The following SETD5 variants were observed in gnomAD, a reference collection of about 807,000 sequenced individuals.
SETD5 encodes SET domain containing 5.
Under a neutral mutation model 153.3 loss-of-function variants are expected in SETD5, and 44 were observed. The ratio of observed to expected loss-of-function variants is 0.29; its 90% confidence interval spans 0.23 to 0.37. The LOEUF (loss-of-function observed/expected upper bound fraction) is 0.37. Among genes scored for constraint, SETD5 ranks in the 10% least tolerant of loss-of-function variants. The pLI, the probability that SETD5 is intolerant of heterozygous loss-of-function variation, is 1.00. For synonymous variants in SETD5, 716 were observed against 645.2 expected, an observed-to-expected ratio of 1.11 and a Z score of -1.66; for missense variants, 1,544 against 1,768.0, an observed-to-expected ratio of 0.87 and a Z score of 2.27.
At chr3:9,409,881 A>G (rs1438273227) in intron 1 of SETD5, among the ~76,000 whole-genome samples, 1 of 152,200 alleles carries the variant, frequency 6.6e-6, no homozygotes, top group Non-Finnish European at 1.5e-5. Flanking sequence ...ACTAACACCA[A>G]TGTAATTTCT....
intron 16 of SETD5, among the ~76,000 whole-genome samples, chr3:9,453,417 A>C (rs866631345): frequency 5.3e-5 from 8 of 152,268 alleles, no homozygotes. Context: ...TCCTAAATAA[A>C]TGTTAAGATT....
At chr3:9,398,613 C>T (rs1003061757) in intron 1 of SETD5, 2 of 152,358 alleles carry the variant, frequency 1.3e-5, no homozygotes, top group African/African-American at 2.4e-5. Context: ...GGGTTCGAGC[C>T]TGGAGTTGAG....
intron 17 of SETD5, among the ~76,000 whole-genome samples, chr3:9,454,965 A>G (rs961889574): frequency 3.9e-5 from 6 of 152,090 alleles, no homozygotes; most frequent in Non-Finnish European, 7.4e-5. Context: ...AATATTTCAC[A>G]TTTTCATAAA....
Position 9,413,827 on chromosome 3 carries a change from G to A in SETD5, c.-176-10640G>A, listed in dbSNP as rs576017042. On this transcript the variant is annotated intron_variant, in intron 1 of 22. Coordinates refer to ENST00000402198, the MANE Select transcript of SETD5 (RefSeq NM_001080517.3). ...GAGTCTGGCTCTGTCACCCAGGCTGGAGTGCAATGGTGTGATCTCTTCTCA... is the reference window on the plus strand; with the variant it reads ...GAGTCTGGCTCTGTCACCCAGGCTGAAGTGCAATGGTGTGATCTCTTCTCA... Among the ~76,000 whole-genome samples the A allele has an allele frequency of 2.4e-4, 36 of 152,156 alleles. No homozygotes were observed. The South Asian group carries it at 6.2e-3, about 26-fold the overall frequency.
At position 9,436,837 on chromosome 3, in the gene SETD5, C is replaced by T. The variant is rs181644555; in HGVS notation, c.567+931C>T. 92 of 1,549,606 alleles carry T rather than the reference C, an allele frequency of 5.9e-5. No homozygotes were observed. In the East Asian group the frequency reaches 2.2e-3, roughly 37 times the overall value. ...AGTTTTGTTTGTTCTACTTGTTTTC[C>T]TCCTTGGGATAGGCATTTCGAGAGG... On this transcript the variant is annotated intron_variant, in intron 7 of 22. Coordinates refer to ENST00000402198, the MANE Select transcript of SETD5 (RefSeq NM_001080517.3).
intron 17 of SETD5, among the ~76,000 whole-genome samples, chr3:9,457,755 T>TC (rs2043437565): frequency 1.3e-5 from 2 of 149,372 alleles, no homozygotes; most frequent in South Asian, 2.1e-4. Context: ...TTTTTTTTTT[T>TC]CATGAATCAT....
At chr3:9,441,553 T>C in intron 8 of SETD5, 40 bp from the exon 9 acceptor site, 1 of 1,603,344 alleles carries the variant, frequency 6.2e-7, no homozygotes, top group South Asian at 1.1e-5. Flanking sequence ...ACTAAGGTGT[T>C]CTTGCTGTTG....
At chr3:9,440,410 A>G (rs749843205) in intron 7 of SETD5, 46 bp from the exon 8 acceptor site, 15 of 1,045,670 alleles carry the variant, frequency 1.4e-5, no homozygotes, top group South Asian at 1.0e-4. Flanking sequence ...CCAACCCTCT[A>G]TTTATGCATG....
intron 1 of SETD5, among the ~76,000 whole-genome samples, chr3:9,401,205 A>G (rs953841660): frequency 2.0e-5 from 3 of 152,268 alleles, no homozygotes; most frequent in African/African-American, 7.2e-5. Flanking sequence ...AGGAGGTTCC[A>G]ATTCTTATTA....
chr3:9,418,739 G>T lies in SETD5; in HGVS notation c.-176-5728G>T, dbSNP rs2037926670. Among the ~76,000 whole-genome samples the T allele has an allele frequency of 1.3e-5, 2 of 151,464 alleles. 1 individual carries two copies. ...AATTGCTTGAACCCGGGAGGTGGAG[G>T]TTGCAGTGAGCTGAGATCCTGCCAT... On this transcript the variant is annotated intron_variant, in intron 1 of 22. Coordinates refer to ENST00000402198, the MANE Select transcript of SETD5 (RefSeq NM_001080517.3).
intron 13 of SETD5, 30 bp downstream of exon 13, chr3:9,445,770 T>G (rs2041864440): frequency 1.3e-6 from 2 of 1,511,458 alleles, no homozygotes; most frequent in African/African-American, 1.4e-5. Context: ...ACTTTGCTCC[T>G]TCTCATTCCT....
chr3:9,406,285 G>C lies in SETD5; in HGVS notation c.-177+8308G>C, dbSNP rs146446372. ...AACCTAAAACAGAACAAAGAGAAGG[G>C]CCTTTGAAGCAGTATGATTGATTAT... is the stretch of plus-strand genomic sequence containing the variant. On this transcript the variant is annotated intron_variant, in intron 1 of 22. Coordinates refer to ENST00000402198, the MANE Select transcript of SETD5 (RefSeq NM_001080517.3). 1.4e-3 allele frequency among the ~76,000 whole-genome samples: 206 copies of C among 152,250 alleles called. 5 individuals carry two copies. In the East Asian group the frequency reaches 0.025, roughly 18 times the overall value.
intron 1 of SETD5, among the ~76,000 whole-genome samples, chr3:9,418,360 G>C (rs192269726): frequency 1.8e-4 from 28 of 152,288 alleles, no homozygotes; most frequent in African/African-American, 5.5e-4. Flanking sequence ...GAAATTTAGA[G>C]CTTAGTGCGG....
intron 3 of SETD5, chr3:9,430,386 G>T: frequency 2.1e-6 from 2 of 971,916 alleles, no homozygotes; most frequent in Non-Finnish European, 2.4e-6. Flanking sequence ...GAGGGTTGGG[G>T]GTGGGGAAGG....
intron 2 of SETD5, among the ~76,000 whole-genome samples, chr3:9,427,580 CT>C (rs1171500047): frequency 6.6e-6 from 1 of 152,136 alleles, no homozygotes; most frequent in African/African-American, 2.4e-5. Context: ...CATTAACCCC[CT>C]GGGTTGACTC....
intron 1 of SETD5, among the ~76,000 whole-genome samples, chr3:9,415,781 T>C (rs1479532538): frequency 6.6e-6 from 1 of 151,786 alleles, no homozygotes; most frequent in African/African-American, 2.4e-5. Context: ...CAGGGTGGCC[T>C]CAAAACTCCT....
intron 8 of SETD5, among the ~76,000 whole-genome samples, chr3:9,441,058 A>G (rs1344919709): frequency 1.3e-5 from 2 of 152,116 alleles, no homozygotes; most frequent in Non-Finnish European, 2.9e-5. Context: ...CAAAAAAAAA[A>G]AATTAAAAGC....
At chr3:9,425,051 G>GTTTTTTTT (rs1559380190) in intron 2 of SETD5, among the ~76,000 whole-genome samples, 8 of 91,430 alleles carry the variant, frequency 8.7e-5, no homozygotes, top group Admixed American at 6.6e-4. Context: ...TACCGACAAT[G>GTTTTTTTT]TTTCTTTTTT....
intron 20 of SETD5, 91 bp downstream of exon 20, chr3:9,473,628 G>C (rs1261165392): frequency 1.5e-6 from 2 of 1,321,048 alleles, no homozygotes; most frequent in African/African-American, 1.5e-5. Context: ...AAATCTATGG[G>C]AACACTTGAT....
Sources: allele counts gnomAD v4.1 joint callset (sites outside exome capture counted in the v4.1 genomes callset), GRCh38; gene constraint gnomAD v4.1.1; transcripts MANE v1.5; gene names NCBI Gene and HGNC (gene_info 2026-07-23, HGNC 2026-07-21).